The following CAMTA1 variants were observed in gnomAD, a reference collection of about 807,000 sequenced individuals.
CAMTA1 encodes calmodulin binding transcription activator 1.
CAMTA1 carries 27 observed loss-of-function variants against 170.9 expected under a neutral mutation model. The ratio of observed to expected loss-of-function variants is 0.16; its 90% CI spans 0.12 to 0.22. The LOEUF (loss-of-function observed/expected upper bound fraction) is 0.22. Ranked by LOEUF, CAMTA1 falls within the 10% of genes least tolerant of loss-of-function variation. The pLI is 1.00. For synonymous variants in CAMTA1, 833 were observed against 891.5 expected, an observed-to-expected ratio of 0.93 and a Z score of 1.17; for missense variants, 1,619 against 2,217.2, an observed-to-expected ratio of 0.73 and a Z score of 5.42.
In CAMTA1 at chr1:7,568,720, A is replaced by T. The variant is rs2095080814; in HGVS notation, c.511-71680A>T. Among the ~76,000 whole-genome samples, 5 of 151,074 alleles carry T rather than the reference A, an allele frequency of 3.3e-5. 1 individual carries two copies. The South Asian group carries it at 1.1e-3, about 32-fold the overall frequency. On this transcript the variant is annotated intron_variant, in intron 6 of 22. Coordinates refer to ENST00000303635, the MANE Select transcript of CAMTA1 (RefSeq NM_015215.4). ...TCACCACATCACCATCACCACCACCATCCAACATCAACATCACCATCCTCA... is the reference window on the plus strand; with the variant it reads ...TCACCACATCACCATCACCACCACCTTCCAACATCAACATCACCATCCTCA...
chr1:7,333,828 TCC>T lies in CAMTA1; in HGVS notation c.438+84203_438+84204del. On this transcript the variant is annotated intron_variant, in intron 5 of 22. Coordinates refer to ENST00000303635, the MANE Select transcript of CAMTA1 (RefSeq NM_015215.4). This position sits in a 1 kb window ranked among gnomAD's most constrained non-coding sequence, Gnocchi z 4.4. ...AAGCATTTTTGTAGCCTCCTCAAAA[TCC>T]TCTCTCTGTGTTTACATTTTAATGG... Among the ~76,000 whole-genome samples the T allele has an allele frequency of 6.6e-6, 1 of 152,334 alleles. No homozygotes were observed. The highest frequency in any genetic ancestry group is 1.9e-4 in the East Asian group (1 of 5,178).
chr1:7,623,887 G>A (rs2095615750), intron 6 of CAMTA1, among the ~76,000 whole-genome samples: 1 of 152,252 alleles, frequency 6.6e-6, no homozygotes, highest in African/African-American at 2.4e-5. Flanking sequence ...TCCCCTGGTA[G>A]CTAACATCTC....
chr1:7,763,944 C>T lies in CAMTA1; in HGVS notation c.4990-2515C>T, dbSNP rs568501624. Among the ~76,000 whole-genome samples, 7 of 152,312 alleles carry T rather than the reference C, an allele frequency of 4.6e-5. No individual in the cohort carries two copies. The South Asian group carries it at 1.4e-3, about 32-fold the overall frequency. On this transcript the variant is annotated intron_variant, in intron 22 of 22. Coordinates refer to ENST00000303635, the MANE Select transcript of CAMTA1 (RefSeq NM_015215.4). ...AATGTAGCATTTGAAGTGGCATGCA[C>T]ACGCTGCAGAAATTCAGCAGATAGG...
In CAMTA1 at chr1:7,315,246, G is replaced by A. The variant is rs567868581; in HGVS notation, c.438+65620G>A. Among the ~76,000 whole-genome samples, 3 of 152,216 alleles carry A rather than the reference G, an allele frequency of 2.0e-5. No homozygotes were observed. In the East Asian group the frequency reaches 5.8e-4, roughly 29 times the overall value. ...TGGAGAGAGGGTTGTTCGGGGCTTG[G>A]AGCTGCAGAAACATTATTCCTGTTG... is the stretch of plus-strand genomic sequence containing the variant. On this transcript the variant is annotated intron_variant, in intron 5 of 22. Coordinates refer to ENST00000303635, the MANE Select transcript of CAMTA1 (RefSeq NM_015215.4).
At chr1:7,107,077 C>T (rs998264382) in intron 4 of CAMTA1, among the ~76,000 whole-genome samples, 13 of 151,924 alleles carry the variant, frequency 8.6e-5, no homozygotes, top group African/African-American at 2.9e-4. Flanking sequence ...TAATGTCTAG[C>T]GTTAGTCAAC....
Position 7,635,522 on chromosome 1 carries a change from T to C in CAMTA1, c.511-4878T>C, listed in dbSNP as rs185598679. Reference sequence around the variant, plus strand: ...TACTCCAGAGGCTGAGGCAGGAGAATGGCGTGAACCCGGGAGGCGGAGGTT... The same window carrying C: ...TACTCCAGAGGCTGAGGCAGGAGAACGGCGTGAACCCGGGAGGCGGAGGTT... On this transcript the variant is annotated intron_variant, in intron 6 of 22. Transcript: ENST00000303635. This position sits in a 1 kb window ranked among gnomAD's most constrained non-coding sequence, Gnocchi z 4.4. 9.5e-5 allele frequency among the ~76,000 whole-genome samples: 14 copies of C among 147,894 alleles called. No individual in the cohort carries two copies. In the East Asian group the frequency reaches 1.0e-3, roughly 11 times the overall value.
chr1:7,543,067 C>G (rs1188585865), intron 6 of CAMTA1, among the ~76,000 whole-genome samples: 1 of 152,092 alleles, frequency 6.6e-6, no homozygotes, highest in Non-Finnish European at 1.5e-5. Context: ...CAGGGTTTCA[C>G]CGTGTTAGCC....
intron 6 of CAMTA1, among the ~76,000 whole-genome samples, chr1:7,595,436 T>A (rs895720499): frequency 6.6e-6 from 1 of 152,206 alleles, no homozygotes; most frequent in Non-Finnish European, 1.5e-5. Context: ...AAAATTAATG[T>A]ATAAACTTAG....
chr1:7,011,419 C>T (rs1465208695), intron 3 of CAMTA1, among the ~76,000 whole-genome samples: 3 of 152,174 alleles, frequency 2.0e-5, no homozygotes, highest in African/African-American at 7.2e-5. Context: ...GACCCTCAGC[C>T]CTGCCGGCAT....
chr1:7,667,320 C>A (rs552915942), intron 9 of CAMTA1, among the ~76,000 whole-genome samples: 1 of 152,148 alleles, frequency 6.6e-6, no homozygotes, highest in Non-Finnish European at 1.5e-5. Context: ...CTTAAGAAAG[C>A]GATGCAAAGG....
chr1:6,996,515 C>T (rs772009994), intron 3 of CAMTA1, among the ~76,000 whole-genome samples: 8 of 152,122 alleles, frequency 5.3e-5, no homozygotes, highest in Non-Finnish European at 1.0e-4. Context: ...CTTTGGTGTT[C>T]TCCCTCTGTG....
chr1:7,758,657 C>T (rs1027159769), intron 22 of CAMTA1, among the ~76,000 whole-genome samples: 10 of 152,078 alleles, frequency 6.6e-5, no homozygotes, highest in East Asian at 3.9e-4. Context: ...ATTTTTGGGC[C>T]GGGCGCGGTG....
intron 5 of CAMTA1, among the ~76,000 whole-genome samples, chr1:7,350,977 C>G (rs140956383): frequency 6.6e-6 from 1 of 152,378 alleles, no homozygotes; most frequent in African/African-American, 2.4e-5. Context: ...TAGGGCACTT[C>G]TCTGCCCCAG....
intron 5 of CAMTA1, among the ~76,000 whole-genome samples, chr1:7,452,896 G>A (rs1177853378): frequency 6.6e-6 from 1 of 152,218 alleles, no homozygotes; most frequent in Non-Finnish European, 1.5e-5. Flanking sequence ...TGGCTGGGTT[G>A]TATGCTAATC....
rs1032479448 is a variant in CAMTA1 at position 7,580,811 on chromosome 1, C to T, written c.511-59589C>T. ...CCTCCCCAACCAAGATCTCCTCCAA[C>T]CCGTGCCCATCACAAGCCCATCCTT... On this transcript the variant is annotated intron_variant, in intron 6 of 22. Coordinates refer to ENST00000303635, the MANE Select transcript of CAMTA1 (RefSeq NM_015215.4). The surrounding 1 kb of genome is among the most constrained non-coding windows in gnomAD (Gnocchi z 4.3). Among the ~76,000 whole-genome samples the T allele has an allele frequency of 6.6e-6, 1 of 152,212 alleles. No homozygotes were observed. The highest frequency in any genetic ancestry group is 2.4e-5 in the African/African-American group (1 of 41,456).
At chr1:7,589,500 C>T (rs1412999880) in intron 6 of CAMTA1, among the ~76,000 whole-genome samples, 2 of 152,276 alleles carry the variant, frequency 1.3e-5, no homozygotes, top group African/African-American at 2.4e-5. Flanking sequence ...GAGCAGTCAG[C>T]GCTTGTGGCT....
At chr1:7,666,848 C>T (rs879806565) in intron 9 of CAMTA1, among the ~76,000 whole-genome samples, 14 of 152,208 alleles carry the variant, frequency 9.2e-5, no homozygotes, top group Non-Finnish European at 1.5e-4. Context: ...TTGGTGTGAC[C>T]GTGTTTCTGA....
intron 5 of CAMTA1, among the ~76,000 whole-genome samples, chr1:7,379,990 A>T (rs1276732966): frequency 6.6e-6 from 1 of 152,230 alleles, no homozygotes; most frequent in African/African-American, 2.4e-5. Flanking sequence ...AGTAGTCATC[A>T]CTTTGTGGAG....
rs375840607 is a variant in CAMTA1, at chr1:7,456,818, C to T, written c.439-11012C>T. 8.5e-5 allele frequency among the ~76,000 whole-genome samples: 13 copies of T among 152,312 alleles called. No individual in the cohort carries two copies. In the South Asian group the frequency reaches 2.5e-3, roughly 29 times the overall value. On this transcript the variant is annotated intron_variant, in intron 5 of 22. Transcript: ENST00000303635. The surrounding 1 kb of genome is among the most constrained non-coding windows in gnomAD (Gnocchi z 4.9). ...CCATGTGGGCCTGGCTGAACGTCCT[C>T]AGAGGGTGGGAAAACAGGCAGGTGA...
Sources: gnomAD v4.1 joint callset for allele counts (sites outside exome capture counted in the v4.1 genomes callset) on GRCh38, gnomAD v4.1.1 for gene constraint, Gnocchi (gnomAD v3.1) non-coding constraint, MANE v1.5 for transcripts, NCBI Gene and HGNC (gene_info 2026-07-23, HGNC 2026-07-21) for gene names.